The following PPP2R3C variants were observed in gnomAD, a reference collection of about 807,000 sequenced individuals.
PPP2R3C encodes serine/threonine-protein phosphatase 2A regulatory subunit B'' subunit gamma.
In PPP2R3C, 47 loss-of-function variants were observed where a neutral mutation model predicts 63.7. The ratio of observed to expected loss-of-function variants is 0.74; its 90% CI spans 0.58 to 0.94. PPP2R3C has a LOEUF of 0.94. Ranked by LOEUF, PPP2R3C falls within the 40% of genes least tolerant of loss-of-function variation. The pLI, the probability that PPP2R3C is intolerant of heterozygous loss-of-function variation, is 0.00. For missense variants in PPP2R3C, 421 were observed against 518.4 expected, an observed-to-expected ratio of 0.81 and a Z score of 1.82; for synonymous variants, 180 against 177.4, an observed-to-expected ratio of 1.01 and a Z score of -0.12.
chr14:35,113,372 C>G (rs1322858708), intron 2 of PPP2R3C, among the ~76,000 whole-genome samples: 2 of 151,998 alleles, frequency 1.3e-5, no homozygotes, highest in Non-Finnish European at 2.9e-5. Flanking sequence ...CATCTAAGAT[C>G]TAGAGGTGGC....
At chr14:35,098,359 T>TG (rs1357152232) in intron 7 of PPP2R3C, among the ~76,000 whole-genome samples, 1 of 146,526 alleles carries the variant, frequency 6.8e-6, no homozygotes, top group Non-Finnish European at 1.5e-5. Flanking sequence ...TTTTTTTTTT[T>TG]TTTTTTTTTT....
intron 2 of PPP2R3C, among the ~76,000 whole-genome samples, chr14:35,113,575 C>T (rs993384840): frequency 2.6e-5 from 4 of 152,092 alleles, no homozygotes; most frequent in Admixed American, 2.0e-4. Context: ...AGCTCACTCC[C>T]ACTATGGCAC....
chr14:35,096,892 C>G, intron 7 of PPP2R3C, 128 bp from the exon 8 acceptor site: 1 of 927,718 alleles, frequency 1.1e-6, no homozygotes, highest in South Asian at 1.9e-5. Flanking sequence ...CTCTTATGCT[C>G]CAAAGTCCTT....
chr14:35,116,650 G>A lies in PPP2R3C; in HGVS notation c.146C>T (p.Thr49Ile). ...GGGAATGGTCTTATAGAATTCATTTGTGTTTTTTCTACCTCCTTTCCATTC... is the reference window on the plus strand; with the variant it reads ...GGGAATGGTCTTATAGAATTCATTTATGTTTTTTCTACCTCCTTTCCATTC... ...YSEWKGGRKN[T>I]NEFYKTIPRF... Residue 49 changes from threonine (T) to isoleucine (I), a missense_variant, in exon 2 of 13, where the codon ACA becomes ATA. By Grantham distance (89) the Thr-to-Ile change is moderately conservative (BLOSUM62 -1). This residue lies in a region of PPP2R3C where 143 missense variants were observed against 151.2 expected (regional missense o/e 0.95). Transcript: ENST00000261475. 6.2e-7 allele frequency: 1 copy of A among 1,601,134 alleles called. No homozygotes were observed.
At chr14:35,111,249 A>G (rs1377203944) in intron 2 of PPP2R3C, among the ~76,000 whole-genome samples, 1 of 151,690 alleles carries the variant, frequency 6.6e-6, no homozygotes, top group East Asian at 1.9e-4. Flanking sequence ...AAAAAAAAAA[A>G]AAAAAAAAGA....
At chr14:35,089,826 C>T (rs974372465) in intron 11 of PPP2R3C, among the ~76,000 whole-genome samples, 29 of 139,382 alleles carry the variant, frequency 2.1e-4, no homozygotes, top group African/African-American at 5.8e-4. Flanking sequence ...CCACCACGCC[C>T]GGCTGATTTT....
At chr14:35,118,757 G>A (rs1460264454) in intron 1 of PPP2R3C, among the ~76,000 whole-genome samples, 2 of 149,464 alleles carry the variant, frequency 1.3e-5, no homozygotes, top group African/African-American at 4.9e-5. Context: ...GGGTTGAAGT[G>A]ATTCTCCTGC....
upstream of PPP2R3C, chr14:35,122,087 G>A: frequency 1.0e-6 from 1 of 956,052 alleles, no homozygotes; most frequent in South Asian, 1.4e-5. Flanking sequence ...TCTTGATCGA[G>A]GGCGGAAGTC....
At chr14:35,090,880 T>C (rs2045789417) in intron 11 of PPP2R3C, among the ~76,000 whole-genome samples, 190 bp downstream of exon 11, 1 of 152,042 alleles carries the variant, frequency 6.6e-6, no homozygotes, top group African/African-American at 2.4e-5. Flanking sequence ...CACACCTGGC[T>C]AATTTTTTGT....
At chr14:35,104,473 C>CT (rs2046287938) in intron 6 of PPP2R3C, among the ~76,000 whole-genome samples, 1 of 152,054 alleles carries the variant, frequency 6.6e-6, no homozygotes, top group Non-Finnish European at 1.5e-5. Context: ...TATTCATGCC[C>CT]AACTCCCTTC....
rs1406618472 is a variant in PPP2R3C at position 35,110,562 on chromosome 14, C to T, written c.254G>A (p.Arg85Lys). ...REESRAVFLQ[R>K]KSRELLDNEE... is the part of the protein sequence containing the mutation. ...ATTATCTAACAGTTCTCTGCTTTTT[C>T]TTTGTAGAAAGACAGCTCTTGATTC... Residue 85 changes from arginine to lysine, a missense_variant, in exon 3 of 13, where the codon AGA becomes AAA. Coordinates refer to ENST00000261475, the MANE Select transcript of PPP2R3C (RefSeq NM_017917.4). 6.2e-7 allele frequency: 1 copy of T among 1,611,726 alleles called. No homozygotes were observed. The highest frequency in any genetic ancestry group is 8.5e-7 in the Non-Finnish European group (1 of 1,179,064).
chr14:35,085,640 C>T lies in PPP2R3C; in HGVS notation c.1312G>A (p.Ala438Thr). ...NGFWTYENRE[A>T]LVANDSENSA... is the part of the protein sequence containing the mutation. The stretch of plus-strand genomic sequence containing the variant: ...TTTTCACTGTCATTTGCAACAAGAG[C>T]CTCTCTGTTCTCGTAAGTCCAGAAG... Residue 438 changes from alanine (A) to threonine (T), a missense_variant, in exon 13 of 13, where the codon GCT (alanine) becomes ACT (threonine). This residue lies in a region of PPP2R3C where 231 missense variants were observed against 264.8 expected (regional missense o/e 0.87). Coordinates refer to ENST00000261475, the MANE Select transcript of PPP2R3C (RefSeq NM_017917.4). 2 of 1,613,158 alleles carry T rather than the reference C, an allele frequency of 1.2e-6. No homozygotes were observed. The highest frequency in any genetic ancestry group is 8.5e-7 in the Non-Finnish European group (1 of 1,179,720).
At chr14:35,105,775 G>C (rs2046332631) in intron 6 of PPP2R3C, among the ~76,000 whole-genome samples, 1 of 152,004 alleles carries the variant, frequency 6.6e-6, no homozygotes, top group Admixed American at 6.6e-5. Flanking sequence ...TTCCTCTATT[G>C]AGCGCAGAGT....
At chr14:35,086,865 T>C (rs566001546) in intron 12 of PPP2R3C, 1 of 152,402 alleles carries the variant, frequency 6.6e-6, no homozygotes, top group South Asian at 2.1e-4. Context: ...TAGTGCGATC[T>C]TGGCTCGCTG....
Position 35,096,744 on chromosome 14 carries a change from T to G in PPP2R3C, c.727A>C (p.Ile243Leu). The part of the protein sequence containing the change: ...LRTGKIKIQD[I>L]LACSFLDDLL... Reference sequence around the variant, plus strand: ...TCATCTAGGAAGCTGCATGCTAAAATATCTTGAATTTTTATCTTTCCTTTA... The same window carrying G: ...TCATCTAGGAAGCTGCATGCTAAAAGATCTTGAATTTTTATCTTTCCTTTA... Residue 243 changes from isoleucine to leucine, a missense_variant, in exon 8 of 13, where the codon ATT (isoleucine) becomes CTT (leucine). Ile to Leu is a conservative substitution (Grantham distance 5). Around this residue, in one of 3 missense-constraint regions of PPP2R3C, gnomAD observed 231 missense variants for 264.8 expected, o/e 0.87. Coordinates refer to ENST00000261475, the MANE Select transcript of PPP2R3C (RefSeq NM_017917.4). The G allele has an allele frequency of 6.3e-7, 1 of 1,588,288 alleles. No individual in the cohort carries two copies. The highest frequency in any genetic ancestry group is 2.2e-5 in the East Asian group (1 of 44,660).
chr14:35,109,829 C>T lies in PPP2R3C; in HGVS notation c.394G>A (p.Ala132Thr). ...NFLKVGEKAG[A>T]KCKQFFTAKV... The stretch of plus-strand genomic sequence containing the variant: ...TTATATTATTCTTACTTGCACTTTG[C>T]TCCAGCCTTTTCACCAACCTTCAAA... The change falls in exon 4 of 13, where the codon GCA becomes ACA. Residue 132 changes from alanine to threonine, a missense_variant. Physicochemically the swap from Ala to Thr is moderately conservative, Grantham distance 58. Around this residue, in one of 3 missense-constraint regions of PPP2R3C, gnomAD observed 143 missense variants for 151.2 expected, o/e 0.95. Coordinates refer to ENST00000261475, the MANE Select transcript of PPP2R3C (RefSeq NM_017917.4). 6.3e-7 allele frequency: 1 copy of T among 1,578,470 alleles called. No homozygotes were observed. The highest frequency in any genetic ancestry group is 8.7e-7 in the Non-Finnish European group (1 of 1,148,532).
chr14:35,090,242 T>G (rs1304848520), intron 11 of PPP2R3C, among the ~76,000 whole-genome samples: 3 of 143,402 alleles, frequency 2.1e-5, no homozygotes, highest in Non-Finnish European at 4.7e-5. Flanking sequence ...TTGTAGTTTT[T>G]TTTTTTTTTT....
At chr14:35,105,322 A>G (rs534252564) in intron 6 of PPP2R3C, among the ~76,000 whole-genome samples, 20 of 151,804 alleles carry the variant, frequency 1.3e-4, no homozygotes, top group Non-Finnish European at 2.4e-4. Flanking sequence ...AGCTGGGATT[A>G]CAGGTGGCCA....
chr14:35,113,328 C>CT (rs1285648238), intron 2 of PPP2R3C, among the ~76,000 whole-genome samples: 4 of 152,026 alleles, frequency 2.6e-5, no homozygotes, highest in East Asian at 1.9e-4. Context: ...AGGGAAAGGA[C>CT]TTTTTTACAA....
Sources: gnomAD v4.1 joint callset for allele counts (sites outside exome capture counted in the v4.1 genomes callset) on GRCh38, gnomAD v4.1.1 for gene constraint, gnomAD v4.1.1 regional missense constraint, MANE v1.5 for transcripts, NCBI Gene and HGNC (gene_info 2026-07-23, HGNC 2026-07-21) for gene names.